Variants in SUMF1 observed in about 807,000 individuals in gnomAD.
SUMF1 encodes formylglycine-generating enzyme.
Under a neutral mutation model 47.6 loss-of-function variants are expected in SUMF1, and 48 were observed. That is an observed-to-expected ratio of 1.01 (90% CI 0.80 to 1.28). The LOEUF is 1.28. Ranked by LOEUF, SUMF1 falls within the 50% of genes most tolerant of loss-of-function variation. The pLI is 0.00. For missense variants in SUMF1, 571 were observed against 485.4 expected, an observed-to-expected ratio of 1.18 and a Z score of -1.66; for synonymous variants, 230 against 192.1, an observed-to-expected ratio of 1.20 and a Z score of -1.63.
intron 8 of SUMF1, among the ~76,000 whole-genome samples, chr3:4,105,545 T>A (rs992756919): frequency 3.3e-5 from 5 of 152,066 alleles, no homozygotes; most frequent in South Asian, 2.1e-4. Flanking sequence ...AAAAGCAGAA[T>A]AATATCAAAA....
At chr3:4,218,765 T>G (rs1188741919) in intron 8 of SUMF1, among the ~76,000 whole-genome samples, 2 of 152,204 alleles carry the variant, frequency 1.3e-5, no homozygotes, top group Non-Finnish European at 2.9e-5. Flanking sequence ...CTAGACTAAC[T>G]ATGACGCCTT....
At chr3:4,149,832 G>A (rs892006404) in intron 8 of SUMF1, among the ~76,000 whole-genome samples, 5 of 152,166 alleles carry the variant, frequency 3.3e-5, no homozygotes, top group African/African-American at 1.2e-4. Context: ...GATGAATAGG[G>A]GCCAACGAAG....
chr3:4,075,941 C>T (rs1317454196), intron 8 of SUMF1, among the ~76,000 whole-genome samples: 1 of 152,100 alleles, frequency 6.6e-6, no homozygotes, highest in East Asian at 1.9e-4. Flanking sequence ...TCAATGCTAT[C>T]CCCATCATGC....
chr3:4,090,491 A>C (rs1359486831), intron 8 of SUMF1, among the ~76,000 whole-genome samples: 5 of 152,150 alleles, frequency 3.3e-5, no homozygotes, highest in South Asian at 4.1e-4. Context: ...CCAGCCACCC[A>C]TGACCCTGAA....
intron 8 of SUMF1, among the ~76,000 whole-genome samples, chr3:4,127,518 G>A (rs946804080): frequency 1.3e-5 from 2 of 152,084 alleles, no homozygotes; most frequent in African/African-American, 4.8e-5. Flanking sequence ...TAGCCTCCCA[G>A]CCTGCATCTT....
intron 9 of SUMF1, among the ~76,000 whole-genome samples, chr3:4,065,842 T>G (rs1695362885): frequency 6.6e-6 from 1 of 152,020 alleles, no homozygotes; most frequent in Admixed American, 6.6e-5. Context: ...CTCTGAGAAC[T>G]CAGAAAGGGT....
At chr3:4,420,752 G>A (rs1343956963) in intron 3 of SUMF1, among the ~76,000 whole-genome samples, 1 of 151,986 alleles carries the variant, frequency 6.6e-6, no homozygotes, top group African/African-American at 2.4e-5. Context: ...TCTCTAACAA[G>A]TGAGACAGGT....
intron 8 of SUMF1, among the ~76,000 whole-genome samples, chr3:4,095,984 T>C (rs1371964847): frequency 6.6e-6 from 1 of 152,074 alleles, no homozygotes; most frequent in Admixed American, 6.6e-5. Context: ...CACCACCTGG[T>C]AAAATAACTA....
intron 8 of SUMF1, among the ~76,000 whole-genome samples, chr3:4,280,341 G>A (rs1697501586): frequency 6.6e-6 from 1 of 152,108 alleles, no homozygotes; most frequent in Admixed American, 6.6e-5. Context: ...TTTAACTTAG[G>A]TTTGCTTGGT....
chr3:4,128,020 G>A (rs1056455393), intron 8 of SUMF1, among the ~76,000 whole-genome samples: 3 of 151,948 alleles, frequency 2.0e-5, no homozygotes, highest in Non-Finnish European at 1.5e-5. Context: ...GGAGAACCGA[G>A]GAACATAATG....
intron 8 of SUMF1, among the ~76,000 whole-genome samples, chr3:4,245,161 G>T (rs141636645): frequency 3.9e-5 from 6 of 152,080 alleles, no homozygotes; most frequent in Non-Finnish European, 8.8e-5. Context: ...AAGGTTTTTA[G>T]CTTCCTTGCT....
intron 2 of SUMF1, among the ~76,000 whole-genome samples, chr3:4,452,117 G>T (rs1174257297): frequency 6.6e-6 from 1 of 150,764 alleles, no homozygotes; most frequent in Non-Finnish European, 1.5e-5. Flanking sequence ...TTTACAAAAA[G>T]ACATTTGGGG....
chr3:4,221,979 GA>G (rs1696076019), intron 8 of SUMF1, among the ~76,000 whole-genome samples: 1 of 150,546 alleles, frequency 6.6e-6, no homozygotes, highest in African/African-American at 2.4e-5. Flanking sequence ...TTTATAATGA[GA>G]AAAAAAGCAA....
intron 8 of SUMF1, among the ~76,000 whole-genome samples, chr3:4,234,662 G>C (rs1483008500): frequency 6.6e-6 from 1 of 152,094 alleles, no homozygotes; most frequent in Non-Finnish European, 1.5e-5. Flanking sequence ...ACCTATTAGT[G>C]GTTCCTATTC....
chr3:4,327,461 A>C (rs1323338041), intron 8 of SUMF1, among the ~76,000 whole-genome samples: 3 of 151,662 alleles, frequency 2.0e-5, no homozygotes, highest in African/African-American at 7.3e-5. Context: ...ATCAAAGTAA[A>C]ACAATAATTG....
chr3:4,353,204 G>C (rs112620954), intron 8 of SUMF1, among the ~76,000 whole-genome samples: 3,019 of 152,304 alleles, frequency 0.02, 105 homozygotes, highest in African/African-American at 0.069. Context: ...CTTAAGACCA[G>C]CTTGGGCAAC....
intron 1 of SUMF1, among the ~76,000 whole-genome samples, chr3:4,456,745 C>CAT (rs1306983709): frequency 7.9e-5 from 1 of 12,596 alleles, no homozygotes; most frequent in South Asian, 2.6e-3. Context: ...TATATACACA[C>CAT]ATATATACGT....
At chr3:4,104,666 TTCTCTC>T (rs111963235) in intron 8 of SUMF1, among the ~76,000 whole-genome samples, 12 of 146,752 alleles carry the variant, frequency 8.2e-5, no homozygotes, top group African/African-American at 1.8e-4. Flanking sequence ...AAATCTCGAT[TTCTCTC>T]TCTCTCTCTC....
At chr3:4,444,317 T>C (rs1037461365) in intron 3 of SUMF1, among the ~76,000 whole-genome samples, 1 of 152,200 alleles carries the variant, frequency 6.6e-6, no homozygotes, top group African/African-American at 2.4e-5. Flanking sequence ...AAGAATCTAG[T>C]TGAGAATGAG....
Sources: gnomAD v4.1 joint callset for allele counts (sites outside exome capture counted in the v4.1 genomes callset) on GRCh38, gnomAD v4.1.1 for gene constraint, MANE v1.5 for transcripts, NCBI Gene and HGNC (gene_info 2026-07-23, HGNC 2026-07-21) for gene names.